FSCN2: variants seen among roughly 807,000 people sequenced by gnomAD.
FSCN2 encodes the protein fascin actin-bundling protein 2, retinal.
FSCN2 carries 46 observed loss-of-function variants against 37.8 expected under a neutral mutation model. That is an observed-to-expected ratio of 1.22 (90% CI 0.96 to 1.56). FSCN2 has a LOEUF of 1.56. Ranked by LOEUF, FSCN2 falls within the 40% of genes most tolerant of loss-of-function variation. The pLI is 0.00. For missense variants in FSCN2, 844 were observed against 730.4 expected (o/e 1.16, Z -1.79); for synonymous variants, 351 against 309.4 (o/e 1.13, Z -1.41).
chr17:81,532,694 GGCGATA>G (rs1423106636), intron 1 of FSCN2, among the ~76,000 whole-genome samples: 4 of 148,778 alleles, frequency 2.7e-5, no homozygotes, highest in Non-Finnish European at 5.9e-5. Context: ...TGATGGTGAT[GGCGATA>G]GTGATAGTGA....
At chr17:81,530,057 A>G (rs569627976) in intron 1 of FSCN2, 81 of 244,700 alleles carry the variant, frequency 3.3e-4, no homozygotes, top group Middle Eastern at 2.7e-3. Flanking sequence ...TGATCTGTCC[A>G]CCTCGGCCTC....
chr17:81,515,598 C>G, the FSCN2 span, among the ~76,000 whole-genome samples: 1 of 152,192 alleles, frequency 6.6e-6, no homozygotes. Context: ...GAGGCTTAAC[C>G]CAGGGCCTGC....
chr17:81,531,303 A>ATGG (rs1568077070), intron 1 of FSCN2, among the ~76,000 whole-genome samples: 1 of 37,276 alleles, frequency 2.7e-5, no homozygotes, highest in Non-Finnish European at 5.2e-5. Context: ...GGTGATGGTG[A>ATGG]TGGTGGTGGT....
Position 81,529,085 on chromosome 17 carries a change from G to A in FSCN2, c.554G>A (p.Cys185Tyr). 6.3e-7 allele frequency: 1 copy of A among 1,590,236 alleles called. No homozygotes were observed. Among genetic ancestry groups the A allele is most frequent in the Non-Finnish European group, 8.5e-7 (1 of 1,170,522 alleles). The change falls in exon 1 of 5, where the codon TGC becomes TAC. Residue 185 changes from cysteine (C) to tyrosine (Y), a missense_variant. Physicochemically the swap from Cys to Tyr is radical, Grantham distance 194. Transcript: ENST00000417245. ...CTCATCTTCCGGAGCCGACGGTACTGCCTCAAGTCCTGTGACAGCCGCTAC... is the reference window on the plus strand; with the variant it reads ...CTCATCTTCCGGAGCCGACGGTACTACCTCAAGTCCTGTGACAGCCGCTAC... The part of the protein sequence containing the change: ...LTLIFRSRRY[C>Y]LKSCDSRYLR...
chr17:81,536,444 G>A (rs1161118596), intron 3 of FSCN2, 177 bp downstream of exon 3: 6 of 1,478,324 alleles, frequency 4.1e-6, no homozygotes, highest in Middle Eastern at 2.0e-4. Context: ...AAACAGGTCT[G>A]AATGTCCTTA....
chr17:81,536,028 T>A, intron 2 of FSCN2, 118 bp from the exon 3 acceptor site: 1 of 1,249,950 alleles, frequency 8.0e-7, no homozygotes, highest in South Asian at 1.4e-5. Flanking sequence ...TGGTGGTGGG[T>A]GTGTCAGTGG....
chr17:81,529,018 G>T lies in FSCN2; in HGVS notation c.487G>T (p.Ala163Ser). Residue 163 changes from alanine to serine, a missense_variant, in exon 1 of 5, where the codon GCA becomes TCA. Coordinates refer to ENST00000417245, the MANE Select transcript of FSCN2 (RefSeq NM_012418.4). ...HLCPREDEMA[A>S]DGDKPWGVDA... Reference sequence around the variant, plus strand: ...GTGCCCGCGGGAGGACGAGATGGCCGCAGACGGAGACAAGCCCTGGGGCGT... The same window carrying T: ...GTGCCCGCGGGAGGACGAGATGGCCTCAGACGGAGACAAGCCCTGGGGCGT... The T allele has an allele frequency of 6.3e-7, 1 of 1,585,418 alleles. No homozygotes were observed.
the FSCN2 span, chr17:81,519,130 G>T: frequency 6.6e-6 from 1 of 152,396 alleles, no homozygotes; most frequent in Non-Finnish European, 1.5e-5. Context: ...TCTCAGGCAG[G>T]GCCCAGGGCT....
intron 2 of FSCN2, 66 bp from the exon 3 acceptor site, chr17:81,536,080 G>A: frequency 4.5e-6 from 7 of 1,559,118 alleles, no homozygotes; most frequent in South Asian, 3.5e-5. Flanking sequence ...TGAGGAGGAT[G>A]GGGAAGTGAG....
intron 1 of FSCN2, among the ~76,000 whole-genome samples, chr17:81,529,801 T>A (rs2032489900): frequency 6.6e-6 from 1 of 152,210 alleles, no homozygotes; most frequent in Admixed American, 6.5e-5. Context: ...CCCCATTTTC[T>A]GGACTTCATT....
rs2032906328 is a variant in FSCN2 at position 81,536,965 on chromosome 17, A to C, written c.1364A>C (p.Glu455Ala). 1.9e-6 allele frequency: 3 copies of C among 1,549,898 alleles called. No homozygotes were observed. Among genetic ancestry groups the C allele is most frequent in the Middle Eastern group, 3.4e-4 (2 of 5,952 alleles). The change falls in exon 5 of 5, where the codon GAG becomes GCG. Residue 455 changes from glutamate (E) to alanine (A), a missense_variant. Glu to Ala is a moderately radical substitution (Grantham distance 107). Transcript: ENST00000417245. Reference sequence around the variant, plus strand: ...GAGGACTTCGTCTTCGAGTTCCGTGAGCGCGGCCGCCTGGCCATCCGCGCC... The same window carrying C: ...GAGGACTTCGTCTTCGAGTTCCGTGCGCGCGGCCGCCTGGCCATCCGCGCC... ...RAEDFVFEFR[E>A]RGRLAIRARS...
In FSCN2 at chr17:81,536,868, C is replaced by A. The variant is rs781203867; in HGVS notation, c.1274-7C>A. On this transcript the variant is annotated splice_polypyrimidine_tract_variant and splice_region_variant and intron_variant, in intron 4 of 4. Transcript: ENST00000417245. Reference sequence around the variant, plus strand: ...GGCACCCCCGCCGACGCCGTCCCGTCCCCCAGGCCGCGACGGAGGGTTCTG... The same window carrying A: ...GGCACCCCCGCCGACGCCGTCCCGTACCCCAGGCCGCGACGGAGGGTTCTG... 1.6e-5 allele frequency: 25 copies of A among 1,565,558 alleles called. No homozygotes were observed. Among genetic ancestry groups the A allele is most frequent in the Non-Finnish European group, 2.0e-5 (23 of 1,155,452 alleles).
At chr17:81,517,762 C>G in the FSCN2 span, among the ~76,000 whole-genome samples, 1 of 29,322 alleles carries the variant, frequency 3.4e-5, no homozygotes, top group Non-Finnish European at 5.3e-5. Flanking sequence ...CTCCGGCCGC[C>G]CCCCCCCCCT....
In FSCN2 at chr17:81,528,685, C is replaced by G; in HGVS notation, c.154C>G (p.Pro52Ala). ...GCAGACCTGGGTGCTGGAACCCGAC[C>G]CAGGACAAGGCACGGCTGTGCTGCT... ...RKQTWVLEPD[P>A]GQGTAVLLRS... The change falls in exon 1 of 5, where the codon CCA becomes GCA. Residue 52 changes from proline to alanine, a missense_variant. Physicochemically the swap from Pro to Ala is conservative, Grantham distance 27. Coordinates refer to ENST00000417245, the MANE Select transcript of FSCN2 (RefSeq NM_012418.4). The G allele has an allele frequency of 6.2e-7, 1 of 1,602,200 alleles. No homozygotes were observed. The highest frequency in any genetic ancestry group is 1.3e-5 in the African/African-American group (1 of 74,862).
upstream of FSCN2, among the ~76,000 whole-genome samples, chr17:81,526,369 G>A (rs894202020): frequency 6.6e-6 from 1 of 152,224 alleles, no homozygotes; most frequent in Non-Finnish European, 1.5e-5. Context: ...CAGTGGCCAC[G>A]CCTATCATCC....
chr17:81,531,698 G>GATA (rs2032621191), intron 1 of FSCN2, among the ~76,000 whole-genome samples: 5 of 102,548 alleles, frequency 4.9e-5, no homozygotes, highest in African/African-American at 2.7e-4. Flanking sequence ...TGATGGTGAT[G>GATA]GTGATGATGA....
chr17:81,525,488 TGAG>T (rs540459470), upstream of FSCN2, among the ~76,000 whole-genome samples: 507 of 147,248 alleles, frequency 3.4e-3, 3 homozygotes, highest in Middle Eastern at 0.046. Context: ...TTTGAGAGGC[TGAG>T]GAGGCCAGAT....
intron 1 of FSCN2, among the ~76,000 whole-genome samples, chr17:81,531,464 GA>G (rs1309309647): frequency 6.8e-6 from 1 of 147,294 alleles, no homozygotes; most frequent in Non-Finnish European, 1.5e-5. Context: ...TGATGGTGAT[GA>G]TGGTGGTGGT....
the FSCN2 span, among the ~76,000 whole-genome samples, chr17:81,515,793 C>T: frequency 6.6e-6 from 1 of 152,278 alleles, no homozygotes; most frequent in Non-Finnish European, 1.5e-5. Flanking sequence ...GTCCCCACCC[C>T]TAGCCTTTGC....
Sources: gnomAD v4.1 joint callset for allele counts (sites outside exome capture counted in the v4.1 genomes callset) on GRCh38, gnomAD v4.1.1 for gene constraint, MANE v1.5 for transcripts, NCBI Gene and HGNC (gene_info 2026-07-23, HGNC 2026-07-21) for gene names.